The following WWOX variants were observed in gnomAD, a reference collection of about 807,000 sequenced individuals.
WWOX encodes the protein WW domain containing oxidoreductase.
In WWOX, 69 loss-of-function variants were observed where a neutral mutation model predicts 46.2. The observed-to-expected ratio is 1.49, with a 90% CI of 1.23 to 1.82. The LOEUF (loss-of-function observed/expected upper bound fraction) is 1.82. Among genes scored for constraint, WWOX ranks in the 40% most tolerant of loss-of-function variants. WWOX has a pLI of 0.00. For missense variants in WWOX, 919 were observed against 542.6 expected (o/e 1.69, Z -6.89); for synonymous variants, 359 against 202.6 (o/e 1.77, Z -6.56).
At chr16:78,997,491 A>G (rs544650991) in intron 8 of WWOX, among the ~76,000 whole-genome samples, 2 of 151,976 alleles carry the variant, frequency 1.3e-5, no homozygotes, top group Non-Finnish European at 2.9e-5. Flanking sequence ...TCTACTCCAG[A>G]TTTTTATTTT....
At chr16:78,377,970 G>C (rs1434595262) in intron 5 of WWOX, among the ~76,000 whole-genome samples, 1 of 152,024 alleles carries the variant, frequency 6.6e-6, no homozygotes, top group Non-Finnish European at 1.5e-5. Context: ...TTTCTTATTA[G>C]GGATGTTTGT....
intron 8 of WWOX, among the ~76,000 whole-genome samples, chr16:79,191,692 A>G (rs1200233477): frequency 6.6e-6 from 1 of 152,220 alleles, no homozygotes; most frequent in Non-Finnish European, 1.5e-5. Flanking sequence ...GCCATGATAA[A>G]GAATAAATAC....
chr16:78,157,840 CTG>C (rs1258881775), intron 4 of WWOX, among the ~76,000 whole-genome samples: 3 of 152,142 alleles, frequency 2.0e-5, no homozygotes, highest in African/African-American at 7.2e-5. Flanking sequence ...GTCATAGTGA[CTG>C]TGCTGGATTT....
intron 5 of WWOX, among the ~76,000 whole-genome samples, chr16:78,265,094 T>G (rs9933749): frequency 0.65 from 96,364 of 148,518 alleles, 32,312 homozygotes; most frequent in East Asian, 0.88. Flanking sequence ...TCTGCCTGCC[T>G]GGTTCAAGTG....
At chr16:78,923,170 G>A (rs556160717) in intron 8 of WWOX, among the ~76,000 whole-genome samples, 71 of 151,616 alleles carry the variant, frequency 4.7e-4, no homozygotes, top group African/African-American at 5.1e-4. Flanking sequence ...TAGTAGAGAC[G>A]GGGTTTCTCC....
intron 8 of WWOX, among the ~76,000 whole-genome samples, chr16:78,797,358 T>A (rs1445029895): frequency 1.5e-4 from 18 of 116,630 alleles, no homozygotes; most frequent in African/African-American, 3.8e-4. Context: ...GTCAAAGTGG[T>A]AAAAAAAAAA....
intron 5 of WWOX, among the ~76,000 whole-genome samples, chr16:78,358,035 A>G (rs1379851663): frequency 6.6e-6 from 1 of 152,194 alleles, no homozygotes; most frequent in Non-Finnish European, 1.5e-5. Context: ...ACACATAATG[A>G]ACCATATGCA....
intron 8 of WWOX, among the ~76,000 whole-genome samples, chr16:79,059,490 A>T (rs545181202): frequency 6.6e-6 from 1 of 152,094 alleles, no homozygotes; most frequent in Non-Finnish European, 1.5e-5. Flanking sequence ...TTTTTTATTT[A>T]TATGTTTTTT....
rs1220090790 is a variant in WWOX at position 78,635,197 on chromosome 16, G to T, written c.1056+202445G>T. Among the ~76,000 whole-genome samples the T allele has an allele frequency of 2.0e-5, 3 of 152,174 alleles. No homozygotes were observed. The East Asian group carries it at 5.8e-4, about 29-fold the overall frequency. The stretch of plus-strand genomic sequence containing the variant: ...TCAAAGGCTTCCTGACTCAGGATTT[G>T]CTGGGGTCTGGCTCTGGGCTATTAG... On this transcript the variant is annotated intron_variant, in intron 8 of 8. Transcript: ENST00000566780.
chr16:78,971,186 C>G (rs913445280), intron 8 of WWOX, among the ~76,000 whole-genome samples: 1 of 151,988 alleles, frequency 6.6e-6, no homozygotes, highest in South Asian at 2.1e-4. Flanking sequence ...TAGGGCCGGG[C>G]ACGGTGGCCT....
chr16:78,709,087 A>G (rs2048384161), intron 8 of WWOX, among the ~76,000 whole-genome samples: 1 of 152,150 alleles, frequency 6.6e-6, no homozygotes, highest in Non-Finnish European at 1.5e-5. Context: ...TGAAAGGTTT[A>G]TCGCCCTGCG....
At chr16:78,164,342 C>T in intron 5 of WWOX, 53 bp downstream of exon 5, 1 of 1,507,516 alleles carries the variant, frequency 6.6e-7, no homozygotes, top group Non-Finnish European at 9.2e-7. Context: ...ACATGCCGGG[C>T]TAACCATATG....
chr16:78,726,434 G>C (rs2048839071), intron 8 of WWOX, among the ~76,000 whole-genome samples: 2 of 151,866 alleles, frequency 1.3e-5, no homozygotes, highest in Admixed American at 6.6e-5. Context: ...AGGTCTCCCT[G>C]TGTTGGCCAG....
intron 8 of WWOX, among the ~76,000 whole-genome samples, chr16:79,049,289 A>C (rs1179159847): frequency 1.3e-5 from 2 of 152,196 alleles, no homozygotes; most frequent in Non-Finnish European, 2.9e-5. Flanking sequence ...TGCCTTTGTC[A>C]AGGAAGTAAG....
At chr16:78,507,908 G>A (rs972700641) in intron 8 of WWOX, among the ~76,000 whole-genome samples, 1 of 152,042 alleles carries the variant, frequency 6.6e-6, no homozygotes, top group South Asian at 2.1e-4. Context: ...GGCCCCATAC[G>A]TATTTGTAAA....
intron 5 of WWOX, among the ~76,000 whole-genome samples, chr16:78,175,019 A>ATAG (rs2035289668): frequency 7.4e-6 from 1 of 135,020 alleles, no homozygotes; most frequent in Non-Finnish European, 1.7e-5. Flanking sequence ...AATAATAATA[A>ATAG]TAATAATAAT....
intron 8 of WWOX, among the ~76,000 whole-genome samples, chr16:78,815,090 C>T (rs560980368): frequency 3.3e-5 from 5 of 152,154 alleles, no homozygotes; most frequent in Non-Finnish European, 5.9e-5. Context: ...TTCGGGAGGC[C>T]GAGGTGGGCA....
chr16:78,924,980 A>T (rs1438069629), intron 8 of WWOX, among the ~76,000 whole-genome samples: 1 of 152,136 alleles, frequency 6.6e-6, no homozygotes, highest in Middle Eastern at 3.2e-3. Context: ...GGATCAGTTG[A>T]GCTCAGGCGT....
intron 8 of WWOX, among the ~76,000 whole-genome samples, chr16:78,978,390 T>G (rs1317762400): frequency 6.6e-6 from 1 of 152,182 alleles, no homozygotes; most frequent in Non-Finnish European, 1.5e-5. Flanking sequence ...GTAATTCTTT[T>G]TAACTTTTTG....
Sources: allele counts gnomAD v4.1 joint callset (sites outside exome capture counted in the v4.1 genomes callset), GRCh38; gene constraint gnomAD v4.1.1; transcripts MANE v1.5; gene names NCBI Gene and HGNC (gene_info 2026-07-23, HGNC 2026-07-21).